Variants in CTNNA3 observed in about 807,000 individuals in gnomAD.
The protein encoded by CTNNA3 is catenin alpha-3.
In CTNNA3, 76 loss-of-function variants were observed where a neutral mutation model predicts 95.7. The observed-to-expected ratio is 0.79, with a 90% CI of 0.66 to 0.96. CTNNA3 has a LOEUF of 0.96. Ranked by LOEUF, CTNNA3 falls within the 40% of genes least tolerant of loss-of-function variation. CTNNA3 has a pLI of 0.00. For synonymous variants in CTNNA3, 431 were observed against 374.4 expected, an observed-to-expected ratio of 1.15 and a Z score of -1.74; for missense variants, 1,191 against 1,089.8, an observed-to-expected ratio of 1.09 and a Z score of -1.31.
intron 7 of CTNNA3, among the ~76,000 whole-genome samples, chr10:66,924,724 T>C (rs1313431892): frequency 6.6e-6 from 1 of 152,232 alleles, no homozygotes; most frequent in Non-Finnish European, 1.5e-5. Context: ...TCAAATATCT[T>C]ACACAGGCTT....
chr10:67,060,326 T>C (rs1855689867), intron 7 of CTNNA3, among the ~76,000 whole-genome samples: 1 of 152,072 alleles, frequency 6.6e-6, no homozygotes, highest in Non-Finnish European at 1.5e-5. Flanking sequence ...GAAAAGTCTT[T>C]TTAAAAAAAT....
chr10:66,487,520 C>G (rs1839781893), intron 11 of CTNNA3, among the ~76,000 whole-genome samples: 1 of 151,806 alleles, frequency 6.6e-6, no homozygotes, highest in African/African-American at 2.4e-5. Context: ...AGCCACTGTG[C>G]CCGGCCTAAA....
At chr10:66,533,461 C>T (rs796273645) in intron 10 of CTNNA3, among the ~76,000 whole-genome samples, 6 of 152,110 alleles carry the variant, frequency 3.9e-5, no homozygotes, top group African/African-American at 1.4e-4. Flanking sequence ...TTATCAAATC[C>T]AGGTCAGGTT....
chr10:66,369,569 A>G (rs2092737630), intron 12 of CTNNA3, among the ~76,000 whole-genome samples: 2 of 152,186 alleles, frequency 1.3e-5, no homozygotes, highest in Non-Finnish European at 2.9e-5. Context: ...GGTTAGTTAC[A>G]CATAATTTTT....
At chr10:66,296,901 A>G (rs1308877123) in intron 12 of CTNNA3, among the ~76,000 whole-genome samples, 7 of 152,208 alleles carry the variant, frequency 4.6e-5, no homozygotes, top group Non-Finnish European at 4.4e-5. Flanking sequence ...TGTGCTAAAT[A>G]CAAAGCAGAT....
In CTNNA3 at chr10:67,405,248, A is replaced by G. The variant is rs568416314; in HGVS notation, c.579+116594T>C. Among the ~76,000 whole-genome samples, 3 of 152,214 alleles carry G rather than the reference A, an allele frequency of 2.0e-5. No individual in the cohort carries two copies. The South Asian group carries it at 6.2e-4, about 32-fold the overall frequency. On this transcript the variant is annotated intron_variant, in intron 5 of 17. Coordinates refer to ENST00000433211, the MANE Select transcript of CTNNA3 (RefSeq NM_013266.4). ...TGCTCCAATTAAAAGACACAGAGTA[A>G]AAAGCTGGATAAAGAACCAAGACCC...
At chr10:66,050,133 T>C (rs1017565046) in intron 15 of CTNNA3, among the ~76,000 whole-genome samples, 4 of 151,316 alleles carry the variant, frequency 2.6e-5, no homozygotes, top group African/African-American at 9.7e-5. Context: ...AGAAGCTCTT[T>C]GGCTCTCAAA....
chr10:66,116,954 C>T (rs1589449759), intron 13 of CTNNA3, among the ~76,000 whole-genome samples: 2 of 152,290 alleles, frequency 1.3e-5, no homozygotes, highest in East Asian at 3.9e-4. Flanking sequence ...CCAGGCCCCT[C>T]CTCCAACACA....
intron 5 of CTNNA3, among the ~76,000 whole-genome samples, chr10:67,257,168 T>G (rs1161811052): frequency 6.6e-6 from 1 of 152,214 alleles, no homozygotes; most frequent in Non-Finnish European, 1.5e-5. Context: ...TCATGTGATG[T>G]TTACACAGCT....
chr10:66,056,167 T>C (rs547561058), intron 15 of CTNNA3, among the ~76,000 whole-genome samples: 2 of 152,184 alleles, frequency 1.3e-5, no homozygotes, highest in East Asian at 3.9e-4. Context: ...GTTTGTTATA[T>C]ATAGCGTTTA....
At chr10:66,507,651 C>T (rs770619114) in intron 11 of CTNNA3, among the ~76,000 whole-genome samples, 1 of 152,090 alleles carries the variant, frequency 6.6e-6, no homozygotes, top group African/African-American at 2.4e-5. Flanking sequence ...CCTCCAGGCT[C>T]ATCCATGTTA....
intron 3 of CTNNA3, among the ~76,000 whole-genome samples, chr10:67,552,372 C>T (rs1841064269): frequency 6.6e-6 from 1 of 151,940 alleles, no homozygotes; most frequent in Admixed American, 6.6e-5. Flanking sequence ...TTTTCTTCAA[C>T]TTTTAAGTTC....
At chr10:65,983,270 T>A (rs533818029) in intron 16 of CTNNA3, among the ~76,000 whole-genome samples, 2 of 151,720 alleles carry the variant, frequency 1.3e-5, no homozygotes, top group Admixed American at 1.3e-4. Flanking sequence ...CACCGAGGGA[T>A]CAGAAAGTCT....
intron 14 of CTNNA3, among the ~76,000 whole-genome samples, chr10:66,097,467 A>T (rs1564639590): frequency 6.6e-6 from 1 of 152,174 alleles, no homozygotes; most frequent in East Asian, 1.9e-4. Flanking sequence ...TATAAAATAG[A>T]TATTATTATT....
At chr10:66,247,124 GA>G (rs1269846390) in intron 13 of CTNNA3, among the ~76,000 whole-genome samples, 5 of 149,968 alleles carry the variant, frequency 3.3e-5, no homozygotes, top group Admixed American at 2.0e-4. Flanking sequence ...GGAGATAAAT[GA>G]AAAAAATGTA....
At chr10:66,845,711 A>AAAAAAAC (rs1843231348) in intron 7 of CTNNA3, among the ~76,000 whole-genome samples, 26 of 48,448 alleles carry the variant, frequency 5.4e-4, no homozygotes, top group African/African-American at 1.6e-3. Flanking sequence ...CTCAAAAAAA[A>AAAAAAAC]AAAAAAAAAA....
At chr10:66,381,974 C>T (rs1000711898) in intron 11 of CTNNA3, among the ~76,000 whole-genome samples, 1 of 152,088 alleles carries the variant, frequency 6.6e-6, no homozygotes, top group Non-Finnish European at 1.5e-5. Context: ...CCAAGATGGC[C>T]AAATAGGAGC....
At chr10:66,635,184 C>A (rs1348285470) in intron 9 of CTNNA3, among the ~76,000 whole-genome samples, 1 of 151,914 alleles carries the variant, frequency 6.6e-6, no homozygotes, top group Non-Finnish European at 1.5e-5. Context: ...GTGTCACCTG[C>A]CTAGTAAATT....
intron 2 of CTNNA3, among the ~76,000 whole-genome samples, chr10:67,628,503 T>C (rs1370655507): frequency 1.3e-5 from 2 of 152,176 alleles, no homozygotes; most frequent in Non-Finnish European, 1.5e-5. Context: ...AGTAAGTCTT[T>C]TTGACTTCAA....
Sources: allele counts gnomAD v4.1 joint callset (sites outside exome capture counted in the v4.1 genomes callset), GRCh38; gene constraint gnomAD v4.1.1; transcripts MANE v1.5; gene names NCBI Gene and HGNC (gene_info 2026-07-23, HGNC 2026-07-21).